Variants in ABCA13 observed in about 807,000 individuals in gnomAD.
ABCA13 encodes the protein ATP binding cassette subfamily A member 13.
ABCA13 carries 476 observed loss-of-function variants against 478.7 expected under a neutral mutation model. The ratio of observed to expected loss-of-function variants is 0.99; its 90% CI spans 0.92 to 1.07. The LOEUF (loss-of-function observed/expected upper bound fraction) is 1.07. Ranked by LOEUF, ABCA13 falls within the 50% of genes least tolerant of loss-of-function variation. The pLI, the probability that ABCA13 is intolerant of heterozygous loss-of-function variation, is 0.00. For missense variants in ABCA13, 6,060 were observed against 5,910.6 expected (o/e 1.03, Z -0.83); for synonymous variants, 2,252 against 2,158.9 (o/e 1.04, Z -1.20).
At chr7:48,312,705 A>G (rs1801957058) in intron 24 of ABCA13, among the ~76,000 whole-genome samples, 1 of 152,170 alleles carries the variant, frequency 6.6e-6, no homozygotes, top group Non-Finnish European at 1.5e-5. Context: ...AAAGCAGTAG[A>G]TAAATGTAAA....
intron 42 of ABCA13, among the ~76,000 whole-genome samples, chr7:48,439,213 A>G (rs1298836555): frequency 6.6e-6 from 1 of 152,076 alleles, no homozygotes; most frequent in South Asian, 2.1e-4. Context: ...TTAAGAGTGC[A>G]TTTTTATCTA....
chr7:48,288,640 AT>A (rs59778376), intron 20 of ABCA13, among the ~76,000 whole-genome samples: 77,035 of 151,266 alleles, frequency 0.51, 19,827 homozygotes, highest in East Asian at 0.77. Flanking sequence ...CCAAATCAGA[AT>A]TTTTTTTTTC....
At chr7:48,403,966 T>C (rs1156580473) in intron 39 of ABCA13, 87 bp downstream of exon 39, 1 of 1,460,954 alleles carries the variant, frequency 6.8e-7, no homozygotes, top group East Asian at 2.4e-5. Flanking sequence ...AATCAAGTTG[T>C]ATCCCAGTGA....
chr7:48,359,899 G>A (rs1022196353), intron 31 of ABCA13, among the ~76,000 whole-genome samples: 8 of 152,028 alleles, frequency 5.3e-5, no homozygotes, highest in Non-Finnish European at 1.2e-4. Context: ...CAGGAGCAAG[G>A]CTTACTAAAA....
At chr7:48,459,067 AT>A (rs1825976310) in intron 43 of ABCA13, among the ~76,000 whole-genome samples, 1 of 152,076 alleles carries the variant, frequency 6.6e-6, no homozygotes, top group South Asian at 2.1e-4. Context: ...TGCTCCAGAA[AT>A]TCTCCCTCCC....
intron 43 of ABCA13, among the ~76,000 whole-genome samples, chr7:48,465,451 G>T (rs966656669): frequency 2.7e-5 from 4 of 150,812 alleles, no homozygotes; most frequent in African/African-American, 9.7e-5. Flanking sequence ...ATTATTTCTT[G>T]TCTGAGAACA....
At chr7:48,336,799 G>T (rs1416794187) in intron 28 of ABCA13, among the ~76,000 whole-genome samples, 1 of 152,216 alleles carries the variant, frequency 6.6e-6, no homozygotes, top group African/African-American at 2.4e-5. Context: ...TCTTTAATTT[G>T]TTTGTGTATG....
chr7:48,507,252 A>G (rs1312193212), intron 49 of ABCA13, among the ~76,000 whole-genome samples: 1 of 152,206 alleles, frequency 6.6e-6, no homozygotes, highest in African/African-American at 2.4e-5. Context: ...GAGGAGTTCC[A>G]TCGTGTCGGC....
chr7:48,543,670 G>A lies in ABCA13; in HGVS notation c.14354+15325G>A, dbSNP rs114111397. Among the ~76,000 whole-genome samples, 712 of 151,600 alleles carry A rather than the reference G, an allele frequency of 4.7e-3. 8 individuals carry two copies. The highest frequency in any genetic ancestry group is 0.016 in the African/African-American group (670 of 41,454). ...AATAAAAAATAGGCATAAGACTTAA[G>A]CATTAAACACAATATGAAAGTGAAT... On this transcript the variant is annotated intron_variant, in intron 55 of 61. Transcript: ENST00000435803.
intron 23 of ABCA13, among the ~76,000 whole-genome samples, chr7:48,305,624 A>G (rs1008694997): frequency 2.0e-5 from 3 of 152,184 alleles, no homozygotes; most frequent in Admixed American, 2.0e-4. Context: ...TGAGTCTACA[A>G]TGAGCAGCTG....
intron 55 of ABCA13, among the ~76,000 whole-genome samples, chr7:48,577,369 A>G (rs926436024): frequency 4.6e-5 from 7 of 152,166 alleles, no homozygotes; most frequent in Non-Finnish European, 8.8e-5. Flanking sequence ...AAAAAAGAAA[A>G]TACAAATTAC....
At chr7:48,203,406 G>A (rs1215754917) in intron 3 of ABCA13, among the ~76,000 whole-genome samples, 1 of 151,594 alleles carries the variant, frequency 6.6e-6, no homozygotes, top group South Asian at 2.1e-4. Context: ...TGCCACCAAA[G>A]TAGGAGCCCA....
At chr7:48,249,068 G>T in intron 14 of ABCA13, 144 bp from the exon 15 acceptor site, 1 of 654,820 alleles carries the variant, frequency 1.5e-6, no homozygotes, top group Non-Finnish European at 2.4e-6. Context: ...AAAATTAGTA[G>T]AACTATTTGA....
intron 3 of ABCA13, among the ~76,000 whole-genome samples, chr7:48,212,014 T>C (rs925414719): frequency 3.3e-5 from 5 of 152,108 alleles, no homozygotes; most frequent in African/African-American, 1.2e-4. Context: ...ACACCAGGGC[T>C]TATCTAAGGA....
chr7:48,249,313 A>G lies in ABCA13; in HGVS notation c.1967A>G (p.Tyr656Cys), dbSNP rs755062405. The change falls in exon 15 of 62, where the codon TAT becomes TGT. Residue 656 changes from tyrosine to cysteine, a missense_variant. Tyr to Cys is a radical substitution (Grantham distance 194). This residue lies in a region of ABCA13 where 4,423 missense variants were observed against 4,309.1 expected (regional missense o/e 1.03). Coordinates refer to ENST00000435803, the MANE Select transcript of ABCA13 (RefSeq NM_152701.5). Reference protein sequence around the residue: ...FIRKTCEVAQYVNMQESFQNR... With the variant: ...FIRKTCEVAQCVNMQESFQNR... ...AGGAAGACTTGCGAAGTGGCCCAATATGTAAATATGCAAGAGAGTTTCCAG... is the reference window on the plus strand; with the variant it reads ...AGGAAGACTTGCGAAGTGGCCCAATGTGTAAATATGCAAGAGAGTTTCCAG... The G allele has an allele frequency of 2.5e-6, 4 of 1,613,374 alleles. No homozygotes were observed. In the Admixed American group the frequency reaches 6.7e-5, roughly 27 times the overall value.
chr7:48,538,994 G>C (rs568904709), intron 55 of ABCA13, among the ~76,000 whole-genome samples: 10 of 152,144 alleles, frequency 6.6e-5, no homozygotes, highest in Non-Finnish European at 1.3e-4. Flanking sequence ...TCTGTTTCTT[G>C]CAATTGCAGC....
intron 52 of ABCA13, among the ~76,000 whole-genome samples, chr7:48,517,375 G>A (rs1377489842): frequency 6.6e-6 from 1 of 152,146 alleles, no homozygotes; most frequent in Admixed American, 6.6e-5. Context: ...GGGATTTCTG[G>A]AACAAATTTA....
chr7:48,456,437 A>T (rs1825684046), intron 43 of ABCA13, among the ~76,000 whole-genome samples: 2 of 152,226 alleles, frequency 1.3e-5, no homozygotes, highest in South Asian at 2.1e-4. Context: ...TGATTATAAA[A>T]TATGTTTCTT....
In ABCA13 at chr7:48,348,080, A is replaced by T. The variant is rs908388874; in HGVS notation, c.10205-2563A>T. Among the ~76,000 whole-genome samples the T allele has an allele frequency of 9.9e-5, 15 of 152,254 alleles. No individual in the cohort carries two copies. In the East Asian group the frequency reaches 1.9e-3, roughly 20 times the overall value. ...ATCCTGTGTCCCTATCTCCAGGCCAAATGGGCACCATGCCAAGATAAATTC... is the reference window on the plus strand; with the variant it reads ...ATCCTGTGTCCCTATCTCCAGGCCATATGGGCACCATGCCAAGATAAATTC... On this transcript the variant is annotated intron_variant, in intron 29 of 61. Transcript: ENST00000435803.
Sources: allele counts gnomAD v4.1 joint callset (sites outside exome capture counted in the v4.1 genomes callset), GRCh38; gene constraint gnomAD v4.1.1; regional missense constraint gnomAD v4.1.1; transcripts MANE v1.5; gene names NCBI Gene and HGNC (gene_info 2026-07-23, HGNC 2026-07-21).